The following LLGL1 variants were observed in gnomAD, a reference collection of about 807,000 sequenced individuals.
The protein encoded by LLGL1 is LLGL scribble cell polarity complex component 1.
A neutral mutation model predicts 110.6 loss-of-function variants in LLGL1; 58 were observed. The ratio of observed to expected loss-of-function variants is 0.52; its 90% CI spans 0.42 to 0.65. LLGL1 has a LOEUF of 0.65. Ranked by LOEUF, LLGL1 falls within the 30% of genes least tolerant of loss-of-function variation. The pLI is 0.00. For synonymous variants in LLGL1, 674 were observed against 607.2 expected (o/e 1.11, Z -1.62); for missense variants, 1,229 against 1,462.1 (o/e 0.84, Z 2.60).
chr17:18,232,332 G>T (rs1200846540), intron 2 of LLGL1, among the ~76,000 whole-genome samples, 163 bp from the exon 3 acceptor site: 1 of 152,262 alleles, frequency 6.6e-6, no homozygotes, highest in Non-Finnish European at 1.5e-5. Context: ...TGCAGAGTGG[G>T]AGCTTTAGGG....
intron 17 of LLGL1, 165 bp downstream of exon 17, chr17:18,241,038 T>A: frequency 1.3e-6 from 1 of 760,594 alleles, no homozygotes; most frequent in Non-Finnish European, 2.0e-6. Context: ...AGAGAACTCC[T>A]ACCCAAGAAC....
intron 1 of LLGL1, among the ~76,000 whole-genome samples, chr17:18,227,980 T>C (rs2047487275): frequency 6.6e-6 from 1 of 151,982 alleles, no homozygotes; most frequent in African/African-American, 2.4e-5. Flanking sequence ...GAGTCTTGGG[T>C]TCAAATCCCA....
In LLGL1 at chr17:18,241,498, G is replaced by A. The variant is rs757077586; in HGVS notation, c.2550G>A (p.Thr850=). Residue 850 remains threonine, a synonymous_variant, in exon 18 of 23, where the codon ACG becomes ACA. Coordinates refer to ENST00000316843, the MANE Select transcript of LLGL1 (RefSeq NM_004140.4). ...KVSAKTKFKL[T]AHEGCRVRKV... ...GCGCGAAGACCAAGTTCAAGCTGACGGCCCATGAGGGCTGTCGTGTGCGCA... is the reference window on the plus strand; with the variant it reads ...GCGCGAAGACCAAGTTCAAGCTGACAGCCCATGAGGGCTGTCGTGTGCGCA... 3.1e-6 allele frequency: 5 copies of A among 1,613,658 alleles called. No homozygotes were observed. The highest frequency in any genetic ancestry group is 2.2e-5 in the East Asian group (1 of 44,882).
intron 14 of LLGL1, 93 bp downstream of exon 14, chr17:18,237,866 G>A: frequency 7.1e-7 from 1 of 1,411,220 alleles, no homozygotes; most frequent in Non-Finnish European, 9.6e-7. Flanking sequence ...TGTGGCAAAG[G>A]CCACTAACCT....
At chr17:18,241,852 C>A in intron 18 of LLGL1, 33 bp from the exon 19 acceptor site, 1 of 1,605,100 alleles carries the variant, frequency 6.2e-7, no homozygotes, top group Non-Finnish European at 8.5e-7. Context: ...GTGGTATCTT[C>A]TAACTGCACT....
At chr17:18,236,012 C>T (rs1454057288) in intron 11 of LLGL1, 1 of 195,442 alleles carries the variant, frequency 5.1e-6, no homozygotes, top group Non-Finnish European at 1.1e-5. Flanking sequence ...TGGAATGAGT[C>T]TCAACCACCC....
chr17:18,229,321 G>A (rs554613138), intron 1 of LLGL1, among the ~76,000 whole-genome samples: 3 of 152,258 alleles, frequency 2.0e-5, no homozygotes, highest in African/African-American at 7.2e-5. Context: ...CCAGCTGTTG[G>A]CAGGTGGGGA....
At chr17:18,232,137 G>A (rs558785864) in intron 2 of LLGL1, among the ~76,000 whole-genome samples, 10 of 152,340 alleles carry the variant, frequency 6.6e-5, no homozygotes, top group Admixed American at 3.3e-4. Context: ...GAAGTGGAGC[G>A]GAGCCCCATC....
intron 2 of LLGL1, 115 bp from the exon 3 acceptor site, chr17:18,232,380 T>G: frequency 1.1e-6 from 1 of 896,374 alleles, no homozygotes; most frequent in Non-Finnish European, 1.7e-6. Context: ...TCCTGGATGG[T>G]CAGGCCCATG....
chr17:18,241,160 C>T (rs969352352), intron 17 of LLGL1: 2 of 591,528 alleles, frequency 3.4e-6, no homozygotes, highest in South Asian at 2.2e-5. Context: ...GCCCAGTCCC[C>T]AGGGGCTCTG....
chr17:18,230,049 C>A lies in LLGL1; in HGVS notation c.179+11C>A. On this transcript the variant is annotated intron_variant, in intron 2 of 22. Coordinates refer to ENST00000316843, the MANE Select transcript of LLGL1 (RefSeq NM_004140.4). ...TGGGGCTGTCAAGATGTATCCTTTG[C>A]AGGACAGGTGTTCAGGGTCTGTTCA... 6.2e-7 allele frequency: 1 copy of A among 1,600,730 alleles called. No individual in the cohort carries two copies. The highest frequency in any genetic ancestry group is 8.5e-7 in the Non-Finnish European group (1 of 1,172,962).
intron 11 of LLGL1, chr17:18,236,192 C>T (rs1009758696): frequency 4.7e-5 from 9 of 192,052 alleles, no homozygotes; most frequent in Middle Eastern, 2.2e-3. Context: ...CCTCCACCTA[C>T]GTGGCTGCCT....
At position 18,240,850 on chromosome 17, in the gene LLGL1, A is replaced by G. The variant is rs927210820; in HGVS notation, c.2479A>G (p.Ile827Val). The change falls in exon 17 of 23, where the codon ATC becomes GTC. Residue 827 changes from isoleucine to valine, a missense_variant. Ile to Val is a conservative substitution (Grantham distance 29). Transcript: ENST00000316843. This position sits in a 1 kb window ranked among gnomAD's most constrained non-coding sequence, Gnocchi z 5.3. ...CATGCAGGGTGGTCACGCTGTGCTC[A>G]TCGCATCTGAGGAGCAGTTCAAGGT... ...PDMQGGHAVL[I>V]ASEEQFKVFT... The G allele has an allele frequency of 1.4e-5, 21 of 1,545,684 alleles. No homozygotes were observed. Among genetic ancestry groups the G allele is most frequent in the Non-Finnish European group, 1.8e-5 (21 of 1,139,974 alleles).
chr17:18,237,702 C>T lies in LLGL1; in HGVS notation c.1833C>T (p.Ser611=). The change falls in exon 14 of 23, where the codon AGC becomes AGT. Residue 611 remains serine (S), a synonymous_variant. Coordinates refer to ENST00000316843, the MANE Select transcript of LLGL1 (RefSeq NM_004140.4). The part of the protein sequence containing the change: ...VTAVTLHTEW[S]LVAFGTSHGF... Reference sequence around the variant, plus strand: ...CTGTCACACTCCACACCGAGTGGAGCCTCGTGGCTTTTGGCACCAGTCATG... The same window carrying T: ...CTGTCACACTCCACACCGAGTGGAGTCTCGTGGCTTTTGGCACCAGTCATG... 1 of 1,613,038 alleles carries T rather than the reference C, an allele frequency of 6.2e-7. No homozygotes were observed.
At chr17:18,228,960 G>A (rs962191036) in intron 1 of LLGL1, among the ~76,000 whole-genome samples, 2 of 152,180 alleles carry the variant, frequency 1.3e-5, no homozygotes, top group African/African-American at 4.8e-5. Flanking sequence ...AGGGAGGGAG[G>A]TTCGCGTTAC....
chr17:18,237,225 C>T, intron 13 of LLGL1: 1 of 596,158 alleles, frequency 1.7e-6, no homozygotes, highest in Non-Finnish European at 3.0e-6. Flanking sequence ...GAGATAGAGG[C>T]TCAGGGTAAG....
At position 18,230,190 on chromosome 17, in the gene LLGL1, C is replaced by T. The variant is rs113238155; in HGVS notation, c.179+152C>T. 8.0e-3 allele frequency: 4,510 copies of T among 560,806 alleles called. 85 individuals are homozygous for T. Among genetic ancestry groups the T allele is most frequent in the African/African-American group, 0.056 (2,885 of 51,904 alleles). The allele number at this position is 560,806 out of a possible 1,614,324, so 34.7% of individuals were successfully genotyped here. On this transcript the variant is annotated intron_variant, in intron 2 of 22. Transcript: ENST00000316843. ...TAGTGGGGGCTTCTGCGGAGGTTGGCGTGGCTTCTGTACCTGAGACAACTG... is the reference window on the plus strand; with the variant it reads ...TAGTGGGGGCTTCTGCGGAGGTTGGTGTGGCTTCTGTACCTGAGACAACTG...
intron 17 of LLGL1, chr17:18,241,171 C>T (rs1304623687): frequency 8.4e-6 from 5 of 591,760 alleles, no homozygotes; most frequent in African/African-American, 7.4e-5. Context: ...AGGGGCTCTG[C>T]CTCGAAAGAA....
Position 18,238,213 on chromosome 17 carries a change from A to G in LLGL1, c.2051A>G (p.Lys684Arg), listed in dbSNP as rs750231815. The change falls in exon 15 of 23, where the codon AAG becomes AGG. Residue 684 changes from lysine to arginine, a missense_variant and splice_region_variant. Transcript: ENST00000316843. ...GKKRAANASSKLQEANAQLAE... is the reference protein window; with the variant it reads ...GKKRAANASSRLQEANAQLAE... ...AAGCGGGCTGCTAATGCCAGCAGCA[A>G]GGTGAGCTGGGGTGGGCTGCACAGG... 4 of 1,610,802 alleles carry G rather than the reference A, an allele frequency of 2.5e-6. No individual in the cohort carries two copies. The South Asian group carries it at 4.4e-5, about 18-fold the overall frequency.
Sources: allele counts gnomAD v4.1 joint callset (sites outside exome capture counted in the v4.1 genomes callset), GRCh38; gene constraint gnomAD v4.1.1; non-coding constraint Gnocchi (gnomAD v3.1); transcripts MANE v1.5; gene names NCBI Gene and HGNC (gene_info 2026-07-23, HGNC 2026-07-21).